NFKB1: variants seen among roughly 807,000 people sequenced by gnomAD.
NFKB1 encodes nuclear factor kappa B subunit 1.
Under a neutral mutation model 105.1 loss-of-function variants are expected in NFKB1, and 9 were observed. The ratio of observed to expected loss-of-function variants is 0.09; its 90% CI spans 0.05 to 0.15. NFKB1 has a LOEUF of 0.15. Among genes scored for constraint, NFKB1 ranks in the 10% least tolerant of loss-of-function variants. The pLI is 1.00. For synonymous variants in NFKB1, 440 were observed against 442.2 expected (o/e 1.00, Z 0.06); for missense variants, 830 against 1,203.7 (o/e 0.69, Z 4.59).
intron 5 of NFKB1, among the ~76,000 whole-genome samples, chr4:102,565,350 G>C (rs1030487147): frequency 4.6e-5 from 7 of 152,146 alleles, no homozygotes; most frequent in Admixed American, 1.3e-4. Context: ...CTGCACAGTT[G>C]ACTGTAGGGG....
At chr4:102,530,085 A>G (rs1027924615) in intron 3 of NFKB1, among the ~76,000 whole-genome samples, 171 bp downstream of exon 3, 14 of 152,220 alleles carry the variant, frequency 9.2e-5, no homozygotes. Context: ...TTGCACAAAA[A>G]TATTTCATCT....
chr4:102,566,877 T>TA, intron 5 of NFKB1, 110 bp from the exon 6 acceptor site: 1 of 1,064,094 alleles, frequency 9.4e-7, no homozygotes, highest in Non-Finnish European at 1.4e-6. Context: ...TATATACATA[T>TA]ATGAATAACT....
Position 102,537,896 on chromosome 4 carries a change from CCA to C in NFKB1, c.199_200del (p.His67TrpfsTer8). The C allele has an allele frequency of 6.2e-7, 1 of 1,612,454 alleles. No homozygotes were observed. Among genetic ancestry groups the C allele is most frequent in the Non-Finnish European group, 8.5e-7 (1 of 1,178,764 alleles). Reference sequence around the variant, plus strand: ...TCCGTTATGTATGTGAAGGCCCATCCCATGGTGGACTACCTGGTGCCTCTAGT... The same window carrying C: ...TCCGTTATGTATGTGAAGGCCCATCCTGGTGGACTACCTGGTGCCTCTAGT... ...RFRYVCEGPS[H>X]GGLPGASSEK... is the part of the protein sequence containing the mutation. On this transcript the variant is annotated frameshift_variant, in exon 5 of 24. Coordinates refer to ENST00000226574, the MANE Select transcript of NFKB1 (RefSeq NM_003998.4). LOFTEE classifies it high-confidence loss of function.
intron 11 of NFKB1, among the ~76,000 whole-genome samples, chr4:102,589,988 G>T (rs931215393): frequency 6.6e-5 from 10 of 152,068 alleles, no homozygotes; most frequent in African/African-American, 2.4e-4. Flanking sequence ...AAAACAAAAA[G>T]AAAAGCAATC....
chr4:102,520,312 A>G (rs1257187598), intron 1 of NFKB1, among the ~76,000 whole-genome samples: 1 of 152,230 alleles, frequency 6.6e-6, no homozygotes. Context: ...TCCTCTTTTT[A>G]TAATTTACCA....
chr4:102,548,536 A>T lies in NFKB1; in HGVS notation c.258+10580A>T, dbSNP rs545530393. ...CAGAATGGATGCAAAGGCAGCATAA[A>T]ATTAAAAGCATTCACTGCCAGCTGC... On this transcript the variant is annotated intron_variant, in intron 5 of 23. Transcript: ENST00000226574. 5.9e-5 allele frequency among the ~76,000 whole-genome samples: 9 copies of T among 152,282 alleles called. No individual in the cohort carries two copies. In the South Asian group the frequency reaches 1.9e-3, roughly 32 times the overall value.
intron 5 of NFKB1, among the ~76,000 whole-genome samples, chr4:102,541,953 C>T (rs949331946): frequency 1.3e-5 from 2 of 152,066 alleles, no homozygotes; most frequent in Non-Finnish European, 2.9e-5. Context: ...AGTGCATACT[C>T]GGTCATATGG....
At chr4:102,560,409 G>C (rs896862873) in intron 5 of NFKB1, among the ~76,000 whole-genome samples, 1 of 152,120 alleles carries the variant, frequency 6.6e-6, no homozygotes, top group African/African-American at 2.4e-5. Context: ...TGTAATTCAC[G>C]AGAACTTCTT....
At chr4:102,563,939 C>A (rs957413049) in intron 5 of NFKB1, among the ~76,000 whole-genome samples, 31 of 151,774 alleles carry the variant, frequency 2.0e-4, no homozygotes, top group African/African-American at 7.3e-4. Flanking sequence ...CTCCTGCCGC[C>A]TGCCGAATAG....
At chr4:102,546,693 A>G (rs1437840578) in intron 5 of NFKB1, among the ~76,000 whole-genome samples, 3 of 152,142 alleles carry the variant, frequency 2.0e-5, no homozygotes, top group Admixed American at 6.5e-5. Flanking sequence ...CTTCCTAGAG[A>G]CAAAAGATAA....
chr4:102,540,650 T>TAGCTTGTCATTGTTCACTG (rs1469069879), intron 5 of NFKB1, among the ~76,000 whole-genome samples: 5 of 152,212 alleles, frequency 3.3e-5, no homozygotes, highest in African/African-American at 4.8e-5. Context: ...ATTGTTCCCT[T>TAGCTTGTCATTGTTCACTG]AGCTTGTCAT....
intron 5 of NFKB1, among the ~76,000 whole-genome samples, chr4:102,545,471 A>C (rs925754386): frequency 6.6e-6 from 1 of 152,108 alleles, no homozygotes; most frequent in African/African-American, 2.4e-5. Context: ...GCATTTTATA[A>C]ATGAGGAAAT....
At chr4:102,524,748 G>A (rs1456620605) in intron 1 of NFKB1, among the ~76,000 whole-genome samples, 12 of 152,106 alleles carry the variant, frequency 7.9e-5, no homozygotes, top group South Asian at 2.1e-4. Context: ...ATCATCAGGC[G>A]TTAGATTCTC....
chr4:102,594,705 A>G (rs1251546660), intron 12 of NFKB1, among the ~76,000 whole-genome samples, 187 bp from the exon 13 acceptor site: 2 of 152,164 alleles, frequency 1.3e-5, no homozygotes, highest in South Asian at 2.1e-4. Context: ...AAACTTTACC[A>G]AAGTGGAATT....
chr4:102,508,304 G>A (rs1739559062), intron 1 of NFKB1, among the ~76,000 whole-genome samples: 1 of 152,124 alleles, frequency 6.6e-6, no homozygotes, highest in South Asian at 2.1e-4. Flanking sequence ...GAACCTTCAT[G>A]ATTTATAAAA....
At chr4:102,530,485 C>CTT (rs1202493404) in intron 3 of NFKB1, among the ~76,000 whole-genome samples, 1 of 152,022 alleles carries the variant, frequency 6.6e-6, no homozygotes, top group Non-Finnish European at 1.5e-5. Context: ...AAAAAAAACT[C>CTT]TCTTTCTTAA....
At chr4:102,577,168 A>G in intron 7 of NFKB1, 129 bp downstream of exon 7, 1 of 959,652 alleles carries the variant, frequency 1.0e-6, no homozygotes. Flanking sequence ...TTCCTTGCTC[A>G]GAAACCTTTG....
intron 22 of NFKB1, 53 bp downstream of exon 22, chr4:102,612,659 A>G: frequency 6.6e-7 from 1 of 1,513,374 alleles, no homozygotes; most frequent in Non-Finnish European, 9.1e-7. Flanking sequence ...TACTCTGTTA[A>G]CATCTCTGGC....
intron 7 of NFKB1, 63 bp from the exon 8 acceptor site, chr4:102,578,818 A>G (rs770718525): frequency 5.2e-6 from 8 of 1,539,436 alleles, no homozygotes; most frequent in Non-Finnish European, 7.1e-6. Context: ...GCTTTATAAA[A>G]GCATGGTCTT....
Sources: allele counts gnomAD v4.1 joint callset (sites outside exome capture counted in the v4.1 genomes callset), GRCh38; gene constraint gnomAD v4.1.1; transcripts MANE v1.5; gene names NCBI Gene and HGNC (gene_info 2026-07-23, HGNC 2026-07-21).